Variants in POLD3 observed in about 807,000 individuals in gnomAD.
The protein encoded by POLD3 is DNA polymerase delta subunit 3.
A neutral mutation model predicts 58.2 loss-of-function variants in POLD3; 19 were observed. The observed-to-expected ratio is 0.33, with a 90% confidence interval of 0.23 to 0.48. POLD3 has a LOEUF of 0.48. Ranked by LOEUF, POLD3 falls within the 20% of genes least tolerant of loss-of-function variation. POLD3 has a pLI of 0.99. For missense variants in POLD3, 504 were observed against 545.5 expected (o/e 0.92, Z 0.76); for synonymous variants, 172 against 193.5 (o/e 0.89, Z 0.92).
intron 8 of POLD3, among the ~76,000 whole-genome samples, chr11:74,625,871 T>TTTTGTGTGTGTG (rs142784051): frequency 1.3e-4 from 19 of 143,680 alleles, no homozygotes; most frequent in African/African-American, 3.9e-4. Flanking sequence ...GTGTGCCTAG[T>TTTTGTGTGTGTG]TGTGTGTGTG....
At chr11:74,604,436 G>T (rs2031606120) in intron 2 of POLD3, 2 of 336,168 alleles carry the variant, frequency 5.9e-6, no homozygotes, top group African/African-American at 2.1e-5. Flanking sequence ...AGTCCCTCTT[G>T]GTCTATTATT....
At chr11:74,665,980 C>T (rs2033263558) in intron 4 of POLD3, among the ~76,000 whole-genome samples, 1 of 152,164 alleles carries the variant, frequency 6.6e-6, no homozygotes, top group African/African-American at 2.4e-5. Context: ...ATTCAGATGA[C>T]ATGATCTTCT....
chr11:74,633,769 T>C (rs2135173955), intron 9 of POLD3, among the ~76,000 whole-genome samples: 1 of 152,344 alleles, frequency 6.6e-6, no homozygotes, highest in South Asian at 2.1e-4. Flanking sequence ...CAGTATTTTT[T>C]TCCTAAAAGT....
At chr11:74,595,392 G>A (rs1488941437) in intron 2 of POLD3, 1 of 152,088 alleles carries the variant, frequency 6.6e-6, no homozygotes, top group Non-Finnish European at 1.5e-5. Context: ...TAATGTTGCT[G>A]AATATCTTTT....
chr11:74,668,933 C>A, exon 5 of POLD3: 2 of 426,842 alleles, frequency 4.7e-6, no homozygotes, highest in Non-Finnish European at 4.0e-6. Flanking sequence ...TTTCAAGTGA[C>A]GTGATGGTTA....
chr11:74,625,870 G>GTT (rs767845162), intron 8 of POLD3, among the ~76,000 whole-genome samples: 83 of 48,236 alleles, frequency 1.7e-3, no homozygotes, highest in African/African-American at 6.1e-3. Flanking sequence ...AGTGTGCCTA[G>GTT]TTGTGTGTGT....
chr11:74,629,353 G>A (rs2032523277), intron 9 of POLD3, 30 bp downstream of exon 9: 1 of 1,285,030 alleles, frequency 7.8e-7, no homozygotes, highest in Non-Finnish European at 1.1e-6. Context: ...TTGGGTTAGG[G>A]GGATCAATTT....
chr11:74,606,322 T>C (rs1265616686), intron 3 of POLD3, among the ~76,000 whole-genome samples: 1 of 152,230 alleles, frequency 6.6e-6, no homozygotes, highest in Non-Finnish European at 1.5e-5. Context: ...GTAGAGCTCT[T>C]GAATGGATAC....
downstream of POLD3, among the ~76,000 whole-genome samples, chr11:74,644,577 G>A (rs957755164): frequency 1.3e-5 from 2 of 152,034 alleles, no homozygotes; most frequent in Non-Finnish European, 2.9e-5. Flanking sequence ...TCTTAGGTGC[G>A]GACCACCCAC....
rs1244063430 is a variant in POLD3, at chr11:74,640,885, T to C, written c.*119T>C. 4.5e-6 allele frequency: 6 copies of C among 1,343,486 alleles called. No individual in the cohort carries two copies. Among genetic ancestry groups the C allele is most frequent in the Non-Finnish European group, 3.8e-6 (4 of 1,046,384 alleles). The allele number at this position is 1,343,486 out of a possible 1,614,324, so 83.2% of individuals were successfully genotyped here. On this transcript the variant is annotated 3_prime_UTR_variant, in exon 12 of 12. Transcript: ENST00000263681. ...CCACCTCACCTGTATCAAAAGACTG[T>C]TCTTTCATCCTGTGAGGTTTATACT...
chr11:74,644,978 G>A (rs916335171), downstream of POLD3, among the ~76,000 whole-genome samples: 2 of 152,188 alleles, frequency 1.3e-5, no homozygotes, highest in Non-Finnish European at 2.9e-5. Context: ...GCAGTTATTG[G>A]AAGCTAGTTA....
Position 74,612,948 on chromosome 11 carries a change from C to T in POLD3, c.330C>T (p.Asp110=), listed in dbSNP as rs754298716. The part of the protein sequence containing the change: ...VYSIQKAMLK[D]SGPLFNTDYD... ...GCATCCAGAAAGCCATGCTAAAGGA[C>T]AGTGGGCCTCTGTTCAATACTGACT... Residue 110 remains aspartate (D), a synonymous_variant, in exon 5 of 12, where the codon GAC becomes GAT. Coordinates refer to ENST00000263681, the MANE Select transcript of POLD3 (RefSeq NM_006591.3). 1.9e-6 allele frequency: 3 copies of T among 1,613,508 alleles called. No homozygotes were observed. The highest frequency in any genetic ancestry group is 2.7e-5 in the African/African-American group (2 of 74,926).
intron 8 of POLD3, 142 bp from the exon 9 acceptor site, chr11:74,629,075 A>G: frequency 1.8e-6 from 1 of 562,934 alleles, no homozygotes; most frequent in South Asian, 2.5e-5. Context: ...CCTTAACAAG[A>G]GTCCTTCTTG....
Position 74,640,841 on chromosome 11 carries a change from T to C in POLD3, c.*75T>C. ...CAAGAAATGTACTCCTCACTTACTA[T>C]GTAAGTTCATCTAGATCTCCACCTC... is the stretch of plus-strand genomic sequence containing the variant. On this transcript the variant is annotated 3_prime_UTR_variant, in exon 12 of 12. Transcript: ENST00000263681. The C allele has an allele frequency of 7.2e-7, 1 of 1,388,200 alleles. No individual in the cohort carries two copies. Among genetic ancestry groups the C allele is most frequent in the Non-Finnish European group, 9.4e-7 (1 of 1,065,724 alleles). 86.0% of individuals were successfully genotyped at this position (1,388,200 alleles called of 1,614,324 possible). A position where few individuals can be genotyped will look rare whatever the true frequency, so the allele number is the denominator to read the frequency against.
At chr11:74,616,126 GC>G (rs931769954) in intron 5 of POLD3, among the ~76,000 whole-genome samples, 2 of 152,090 alleles carry the variant, frequency 1.3e-5, no homozygotes, top group Non-Finnish European at 2.9e-5. Flanking sequence ...TAGCAAGTAA[GC>G]AAACAAGAAT....
At chr11:74,597,652 G>C (rs1349039761) in intron 2 of POLD3, among the ~76,000 whole-genome samples, 3 of 152,132 alleles carry the variant, frequency 2.0e-5, no homozygotes, top group African/African-American at 7.2e-5. Context: ...GTAGAGACGG[G>C]GTTTTGCTGT....
chr11:74,651,351 C>T (rs2033066370), intron 4 of POLD3, among the ~76,000 whole-genome samples: 3 of 152,200 alleles, frequency 2.0e-5, no homozygotes, highest in Admixed American at 2.0e-4. Context: ...TTCTCTATCC[C>T]TGATGCTGTA....
chr11:74,626,057 C>G (rs2032426021), intron 8 of POLD3, among the ~76,000 whole-genome samples: 1 of 152,114 alleles, frequency 6.6e-6, no homozygotes, highest in Non-Finnish European at 1.5e-5. Context: ...GCTATTAAAA[C>G]TAGATCCAGG....
At chr11:74,615,201 A>G (rs1676507579) in intron 5 of POLD3, among the ~76,000 whole-genome samples, 1 of 152,208 alleles carries the variant, frequency 6.6e-6, no homozygotes, top group South Asian at 2.1e-4. Flanking sequence ...CCAGCCAGAT[A>G]GGGTTGTAGA....
Sources: allele counts gnomAD v4.1 joint callset (sites outside exome capture counted in the v4.1 genomes callset), GRCh38; gene constraint gnomAD v4.1.1; transcripts MANE v1.5; gene names NCBI Gene and HGNC (gene_info 2026-07-23, HGNC 2026-07-21).